The following SGCZ variants were observed in gnomAD, a reference collection of about 807,000 sequenced individuals.
SGCZ encodes sarcoglycan zeta, also known as zeta-sarcoglycan.
A neutral mutation model predicts 41.3 loss-of-function variants in SGCZ; 40 were observed. That is an observed-to-expected ratio of 0.97 (90% CI 0.75 to 1.26). The LOEUF is 1.26. Ranked by LOEUF, SGCZ falls within the 50% of genes most tolerant of loss-of-function variation. SGCZ has a pLI of 0.00. For synonymous variants in SGCZ, 206 were observed against 137.5 expected, an observed-to-expected ratio of 1.50 and a Z score of -3.49; for missense variants, 552 against 369.8, an observed-to-expected ratio of 1.49 and a Z score of -4.04.
intron 2 of SGCZ, among the ~76,000 whole-genome samples, chr8:14,393,080 G>C (rs1435936582): frequency 6.6e-6 from 1 of 152,110 alleles, no homozygotes; most frequent in African/African-American, 2.4e-5. Context: ...GTATAAAGAA[G>C]TGCCTATGAA....
At chr8:14,495,174 G>A (rs1226633526) in intron 2 of SGCZ, among the ~76,000 whole-genome samples, 2 of 152,228 alleles carry the variant, frequency 1.3e-5, no homozygotes. Context: ...AGGAATAAGA[G>A]TTCCTGCTTT....
intron 2 of SGCZ, among the ~76,000 whole-genome samples, chr8:14,361,256 T>C (rs976233892): frequency 1.4e-4 from 21 of 152,326 alleles, no homozygotes; most frequent in African/African-American, 4.3e-4. Flanking sequence ...AAAGTTCTCC[T>C]GGATAATATC....
chr8:14,217,504 G>T (rs1250973937), intron 4 of SGCZ, among the ~76,000 whole-genome samples: 1 of 151,562 alleles, frequency 6.6e-6, no homozygotes, highest in Non-Finnish European at 1.5e-5. Context: ...CACTTATATG[G>T]CACTTCCCGT....
At chr8:14,619,870 G>A (rs894037946) in intron 1 of SGCZ, among the ~76,000 whole-genome samples, 13 of 151,994 alleles carry the variant, frequency 8.6e-5, no homozygotes, top group African/African-American at 2.2e-4. Flanking sequence ...ACTGCCCAAG[G>A]TAATTTATAG....
rs577819036 is a variant in SGCZ, at chr8:14,996,283, C to T, written c.39+241302G>A. 3.3e-5 allele frequency among the ~76,000 whole-genome samples: 5 copies of T among 152,262 alleles called. No homozygotes were observed. The East Asian group carries it at 9.6e-4, about 29-fold the overall frequency. ...ATGCAGCATTCTGAACCGCATGAAA[C>T]CATTTACAAAATTATTGAAAAGCAT... On this transcript the variant is annotated intron_variant, in intron 1 of 7. Coordinates refer to ENST00000382080, the MANE Select transcript of SGCZ (RefSeq NM_139167.4).
chr8:14,270,188 T>C (rs11203591), intron 3 of SGCZ, among the ~76,000 whole-genome samples: 68,312 of 151,682 alleles, frequency 0.45, 15,717 homozygotes, highest in South Asian at 0.56. Context: ...AAAAATTAGC[T>C]GGTTGTGGTG....
At chr8:14,245,430 A>C (rs960606103) in intron 3 of SGCZ, among the ~76,000 whole-genome samples, 2 of 152,206 alleles carry the variant, frequency 1.3e-5, no homozygotes, top group African/African-American at 4.8e-5. Context: ...CTTACACCTT[A>C]GACAAAAATT....
chr8:14,223,548 A>ATTT (rs58761860), intron 4 of SGCZ, among the ~76,000 whole-genome samples: 13,100 of 152,110 alleles, frequency 0.086, 765 homozygotes, highest in Middle Eastern at 0.13. Context: ...ATATATATAT[A>ATTT]TTTTAACAGA....
At chr8:14,816,201 C>T (rs904665783) in intron 1 of SGCZ, among the ~76,000 whole-genome samples, 1 of 152,200 alleles carries the variant, frequency 6.6e-6, no homozygotes, top group Non-Finnish European at 1.5e-5. Flanking sequence ...GCAGTCTCGA[C>T]ATATTTCAGA....
chr8:14,297,159 G>C (rs905281422), intron 3 of SGCZ, among the ~76,000 whole-genome samples: 23 of 152,168 alleles, frequency 1.5e-4, no homozygotes, highest in African/African-American at 5.5e-4. Flanking sequence ...CTGACCTCAG[G>C]TGATCCGCCC....
Position 14,840,321 on chromosome 8 carries a change from T to G in SGCZ, c.40-285395A>C, listed in dbSNP as rs190892850. On this transcript the variant is annotated intron_variant, in intron 1 of 7. Coordinates refer to ENST00000382080, the MANE Select transcript of SGCZ (RefSeq NM_139167.4). ...AAAATTCTAAACATATTTATTCACA[T>G]AAGATTATAGTGTGGTTTCAAATAA... Among the ~76,000 whole-genome samples, 633 of 152,242 alleles carry G rather than the reference T, an allele frequency of 4.2e-3. 3 individuals are homozygous for G. The highest frequency in any genetic ancestry group is 7.4e-3 in the Non-Finnish European group (503 of 67,948).
intron 7 of SGCZ, among the ~76,000 whole-genome samples, chr8:14,100,206 T>G (rs1801970776): frequency 1.3e-5 from 2 of 151,894 alleles, no homozygotes; most frequent in Non-Finnish European, 2.9e-5. Context: ...GATGAAAACC[T>G]GTGGCTATGA....
intron 3 of SGCZ, among the ~76,000 whole-genome samples, chr8:14,251,733 G>C (rs1799293258): frequency 6.6e-6 from 1 of 151,884 alleles, no homozygotes; most frequent in South Asian, 2.1e-4. Context: ...TTCATAAAAA[G>C]GAAAAAAATT....
At chr8:14,550,333 T>C (rs1803764146) in intron 2 of SGCZ, among the ~76,000 whole-genome samples, 1 of 149,734 alleles carries the variant, frequency 6.7e-6, no homozygotes, top group African/African-American at 2.4e-5. Flanking sequence ...TTTATGCATT[T>C]ATTTTATATA....
intron 1 of SGCZ, among the ~76,000 whole-genome samples, chr8:14,724,763 A>G (rs1585211197): frequency 6.6e-6 from 1 of 152,056 alleles, no homozygotes; most frequent in Non-Finnish European, 1.5e-5. Flanking sequence ...TTGCATTTTA[A>G]TATAAGCATA....
intron 3 of SGCZ, among the ~76,000 whole-genome samples, chr8:14,314,682 G>T (rs558285986): frequency 6.6e-6 from 1 of 152,228 alleles, no homozygotes; most frequent in South Asian, 2.1e-4. Flanking sequence ...GGGTACATGG[G>T]TTGGTTCAAG....
chr8:15,142,170 T>C (rs1385679782), intron 1 of SGCZ, among the ~76,000 whole-genome samples: 3 of 152,144 alleles, frequency 2.0e-5, no homozygotes, highest in Non-Finnish European at 4.4e-5. Context: ...ATAAAATGAC[T>C]AGAGGACTTT....
chr8:14,681,948 T>G (rs1434244799), intron 1 of SGCZ, among the ~76,000 whole-genome samples: 1 of 152,074 alleles, frequency 6.6e-6, no homozygotes, highest in South Asian at 2.1e-4. Context: ...TTAATATTAA[T>G]AATAAATAAT....
intron 1 of SGCZ, among the ~76,000 whole-genome samples, chr8:14,908,515 C>A (rs769313158): frequency 6.6e-6 from 1 of 152,008 alleles, no homozygotes; most frequent in Non-Finnish European, 1.5e-5. Flanking sequence ...AGTTTGGGAG[C>A]CCCAGGTGGG....
Sources: gnomAD v4.1 joint callset for allele counts (sites outside exome capture counted in the v4.1 genomes callset) on GRCh38, gnomAD v4.1.1 for gene constraint, MANE v1.5 for transcripts, NCBI Gene and HGNC (gene_info 2026-07-23, HGNC 2026-07-21) for gene names.